Variants in CNTN5 observed in about 807,000 individuals in gnomAD.
The protein encoded by CNTN5 is contactin 5, also known as contactin-5.
A neutral mutation model predicts 129.1 loss-of-function variants in CNTN5; 77 were observed. The observed-to-expected ratio is 0.60, with a 90% CI of 0.50 to 0.72. The LOEUF is 0.72. Ranked by LOEUF, CNTN5 falls within the 30% of genes least tolerant of loss-of-function variation. The pLI is 0.00. For missense variants in CNTN5, 1,478 were observed against 1,328.8 expected (o/e 1.11, Z -1.75); for synonymous variants, 509 against 465.6 (o/e 1.09, Z -1.20).
intron 16 of CNTN5, among the ~76,000 whole-genome samples, chr11:100,248,895 T>C (rs552708891): frequency 6.6e-6 from 1 of 152,306 alleles, no homozygotes; most frequent in East Asian, 1.9e-4. Context: ...CACAACTTTC[T>C]GTTTGTTAGC....
intron 3 of CNTN5, among the ~76,000 whole-genome samples, chr11:99,726,242 A>G (rs996301456): frequency 6.6e-6 from 1 of 152,176 alleles, no homozygotes; most frequent in Admixed American, 6.5e-5. Context: ...CAGAACAGGA[A>G]GTTACTTGTC....
intron 3 of CNTN5, among the ~76,000 whole-genome samples, chr11:99,744,129 A>G (rs1565483112): frequency 6.6e-6 from 1 of 152,142 alleles, no homozygotes; most frequent in Non-Finnish European, 1.5e-5. Flanking sequence ...TTAAGGCCAT[A>G]TCACCAGAAT....
chr11:99,213,295 CATATATA>C (rs1230808179), intron 1 of CNTN5, among the ~76,000 whole-genome samples: 1 of 140,834 alleles, frequency 7.1e-6, no homozygotes, highest in African/African-American at 2.6e-5. Flanking sequence ...ATATATATAA[CATATATA>C]ATATATACAT....
intron 17 of CNTN5, among the ~76,000 whole-genome samples, chr11:100,264,402 C>A (rs1196505351): frequency 2.6e-5 from 4 of 152,048 alleles, no homozygotes; most frequent in African/African-American, 4.8e-5. Flanking sequence ...CCCTGACAGA[C>A]CCCAGTATGT....
At chr11:99,111,587 C>T (rs1015943621) in intron 1 of CNTN5, among the ~76,000 whole-genome samples, 2 of 151,812 alleles carry the variant, frequency 1.3e-5, no homozygotes, top group African/African-American at 4.8e-5. Context: ...GTAATTCAGT[C>T]AAGATCTTCT....
At chr11:99,591,529 G>A (rs1949980197) in intron 3 of CNTN5, among the ~76,000 whole-genome samples, 1 of 151,668 alleles carries the variant, frequency 6.6e-6, no homozygotes, top group Admixed American at 6.6e-5. Context: ...TAGTAGAGAT[G>A]GGGTTTCACC....
intron 1 of CNTN5, among the ~76,000 whole-genome samples, chr11:99,045,082 A>G (rs1346819991): frequency 6.6e-6 from 1 of 152,222 alleles, no homozygotes. Context: ...AAGTATTAGT[A>G]ATGATTATTT....
At chr11:99,442,488 G>A (rs1025309714) in intron 2 of CNTN5, among the ~76,000 whole-genome samples, 9 of 152,044 alleles carry the variant, frequency 5.9e-5, no homozygotes, top group Admixed American at 5.9e-4. Context: ...TGTTGTTTAA[G>A]TATACCTGTG....
intron 2 of CNTN5, among the ~76,000 whole-genome samples, chr11:99,398,315 A>G (rs1452780399): frequency 6.6e-6 from 1 of 151,896 alleles, no homozygotes; most frequent in South Asian, 2.1e-4. Context: ...TATTCTATAC[A>G]TTTGTAATAT....
chr11:99,993,479 G>A (rs1421038678), intron 8 of CNTN5, among the ~76,000 whole-genome samples: 1 of 152,128 alleles, frequency 6.6e-6, no homozygotes, highest in Non-Finnish European at 1.5e-5. Flanking sequence ...TTTTTTCACA[G>A]ACACAGAGGG....
At chr11:99,440,830 C>T (rs1321955516) in intron 2 of CNTN5, among the ~76,000 whole-genome samples, 2 of 152,176 alleles carry the variant, frequency 1.3e-5, no homozygotes, top group Non-Finnish European at 1.5e-5. Flanking sequence ...ATCCCGTGAT[C>T]ATCACACTAA....
At position 100,074,007 on chromosome 11, in the gene CNTN5, C is replaced by T. The variant is rs573422548; in HGVS notation, c.1430-137C>T. ...TAATAAGTAAAATTTTGAGCTACTGCCTTTTTCATGTGTAGATATACTATG... is the reference window on the plus strand; with the variant it reads ...TAATAAGTAAAATTTTGAGCTACTGTCTTTTTCATGTGTAGATATACTATG... On this transcript the variant is annotated intron_variant, in intron 12 of 24. Coordinates refer to ENST00000524871, the MANE Select transcript of CNTN5 (RefSeq NM_014361.4). The T allele has an allele frequency of 1.3e-5, 9 of 708,130 alleles. No homozygotes were observed. The African/African-American group carries it at 1.6e-4, about 13-fold the overall frequency. 43.9% of individuals were successfully genotyped at this position (708,130 alleles called of 1,614,324 possible). A position where few individuals can be genotyped will look rare whatever the true frequency, so the allele number is the denominator to read the frequency against.
intron 3 of CNTN5, among the ~76,000 whole-genome samples, chr11:99,591,257 C>T (rs1187205730): frequency 6.6e-6 from 1 of 151,678 alleles, no homozygotes. Context: ...CAGCAGAGCC[C>T]ATCTCATGAT....
intron 12 of CNTN5, among the ~76,000 whole-genome samples, chr11:100,073,132 C>T (rs1341477873): frequency 3.3e-5 from 5 of 151,958 alleles, no homozygotes; most frequent in Non-Finnish European, 5.9e-5. Flanking sequence ...CTGCAACCTC[C>T]GCCTCCAGGG....
intron 8 of CNTN5, among the ~76,000 whole-genome samples, chr11:99,989,941 AT>A (rs1425268550): frequency 6.6e-6 from 1 of 151,888 alleles, no homozygotes; most frequent in African/African-American, 2.4e-5. Flanking sequence ...ACTTTTTTGT[AT>A]TTTTAGTAGA....
At chr11:99,056,327 A>C (rs1328406620) in intron 1 of CNTN5, among the ~76,000 whole-genome samples, 2 of 151,982 alleles carry the variant, frequency 1.3e-5, no homozygotes, top group East Asian at 1.9e-4. Context: ...TTTAAGCATA[A>C]ATGGTTTTAT....
intron 1 of CNTN5, among the ~76,000 whole-genome samples, chr11:99,175,813 C>T (rs1857743091): frequency 6.6e-6 from 1 of 151,856 alleles, no homozygotes; most frequent in Non-Finnish European, 1.5e-5. Flanking sequence ...AAAGAGATAA[C>T]CTAGGAGAAC....
intron 3 of CNTN5, among the ~76,000 whole-genome samples, chr11:99,729,232 G>T (rs1373912533): frequency 6.6e-6 from 1 of 152,000 alleles, no homozygotes; most frequent in Non-Finnish European, 1.5e-5. Flanking sequence ...GGGTGATGGG[G>T]GTGCCTTCAG....
intron 7 of CNTN5, among the ~76,000 whole-genome samples, chr11:99,941,413 A>G (rs1269035659): frequency 6.6e-6 from 1 of 152,010 alleles, no homozygotes; most frequent in African/African-American, 2.4e-5. Context: ...TTTATTTTTT[A>G]TTCATTCAAA....
Sources: allele counts gnomAD v4.1 joint callset (sites outside exome capture counted in the v4.1 genomes callset), GRCh38; gene constraint gnomAD v4.1.1; transcripts MANE v1.5; gene names NCBI Gene and HGNC (gene_info 2026-07-23, HGNC 2026-07-21).